Variants in RNF128 observed in about 807,000 individuals in gnomAD.
RNF128 encodes E3 ubiquitin-protein ligase RNF128.
RNF128 carries 13 observed loss-of-function variants against 26.2 expected under a neutral mutation model. That is an observed-to-expected ratio of 0.50 (90% CI 0.32 to 0.79). The LOEUF is 0.79. Among genes scored for constraint, RNF128 ranks in the 30% least tolerant of loss-of-function variants. The pLI, the probability that RNF128 is intolerant of heterozygous loss-of-function variation, is 0.03. For synonymous variants in RNF128, 149 were observed against 142.5 expected, an observed-to-expected ratio of 1.05 and a Z score of -0.32; for missense variants, 315 against 349.7, an observed-to-expected ratio of 0.90 and a Z score of 0.79.
upstream of RNF128, among the ~76,000 whole-genome samples, chrX:106,725,275 A>G (rs1929375361): frequency 9.0e-6 from 1 of 111,525 alleles, no homozygotes; most frequent in African/African-American, 3.3e-5. Context: ...TTCAATACCT[A>G]AGAGTATATG....
chrX:106,788,336 ATATATAATATATAT>A (rs1930697902), intron 4 of RNF128, among the ~76,000 whole-genome samples: 1 of 53,628 alleles, frequency 1.9e-5, no homozygotes, highest in Non-Finnish European at 3.1e-5. Context: ...TATATATACT[ATATATAATATATAT>A]TATATACTAT....
intron 1 of RNF128, among the ~76,000 whole-genome samples, chrX:106,720,570 G>A (rs1004236435): frequency 1.8e-5 from 2 of 110,084 alleles, no homozygotes; most frequent in African/African-American, 6.6e-5. Context: ...TGGTGAGGGG[G>A]TTCTTAGCAT....
intron 1 of RNF128, among the ~76,000 whole-genome samples, chrX:106,744,340 T>C (rs994644838): frequency 7.1e-5 from 8 of 112,160 alleles, no homozygotes; most frequent in African/African-American, 2.6e-4. Flanking sequence ...AGCCATCTTT[T>C]ATTACATCTG....
At chrX:106,789,851 T>G (rs1930789155) in intron 4 of RNF128, among the ~76,000 whole-genome samples, 1 of 110,094 alleles carries the variant, frequency 9.1e-6, no homozygotes, top group South Asian at 3.7e-4. Context: ...TTATTGAGAA[T>G]GACTGTACCA....
chrX:106,718,023 A>G (rs1929247843), intron 1 of RNF128, among the ~76,000 whole-genome samples: 1 of 111,805 alleles, frequency 8.9e-6, no homozygotes, highest in African/African-American at 3.3e-5. Flanking sequence ...AATGCCATAC[A>G]TGGGGCATAT....
chrX:106,741,206 A>AT (rs1165496520), intron 1 of RNF128, among the ~76,000 whole-genome samples: 2 of 111,503 alleles, frequency 1.8e-5, no homozygotes. Flanking sequence ...AGCATATCTT[A>AT]TTTTTTTCCT....
intron 1 of RNF128, among the ~76,000 whole-genome samples, chrX:106,766,256 G>T (rs919687358): frequency 1.8e-5 from 2 of 111,762 alleles, no homozygotes; most frequent in African/African-American, 6.5e-5. Context: ...AGATCAAATG[G>T]TATTTCTAGT....
chrX:106,738,985 C>A (rs763167914), intron 1 of RNF128, among the ~76,000 whole-genome samples: 1 of 111,668 alleles, frequency 9.0e-6, no homozygotes, highest in East Asian at 2.8e-4. Context: ...TGACTTTGTT[C>A]AATGCATTAT....
At chrX:106,762,927 G>A (rs1324155592) in intron 1 of RNF128, among the ~76,000 whole-genome samples, 1 of 108,686 alleles carries the variant, frequency 9.2e-6, no homozygotes, top group Non-Finnish European at 1.9e-5. Context: ...TTATTACATG[G>A]ATGATGAAAT....
At chrX:106,727,842 C>G (rs1273444075) in intron 1 of RNF128, among the ~76,000 whole-genome samples, 1 of 110,841 alleles carries the variant, frequency 9.0e-6, no homozygotes, top group African/African-American at 3.3e-5. Context: ...CTCCATGTTT[C>G]CTGGGTATCA....
In RNF128 at chrX:106,695,509, T is replaced by G. The variant is rs1301380787; in HGVS notation, c.406+1101T>G. Among the ~76,000 whole-genome samples, 3 of 111,831 alleles carry G rather than the reference T, an allele frequency of 2.7e-5. No homozygotes were observed. In the East Asian group the frequency reaches 8.3e-4, roughly 31 times the overall value. On this transcript the variant is annotated intron_variant, in intron 1 of 6. Transcript: ENST00000324342. ...CTAAGCATCAAAAAAACAAGTAAGA[T>G]GAACTTCAGCAGTACAAAATTATTG...
chrX:106,780,999 C>T (rs1378972278), intron 2 of RNF128, among the ~76,000 whole-genome samples: 1 of 112,541 alleles, frequency 8.9e-6, no homozygotes, highest in African/African-American at 3.2e-5. Context: ...GTAAACCTTT[C>T]TTTCCCCAAA....
intron 1 of RNF128, 145 bp downstream of exon 1, chrX:106,727,542 TC>T: frequency 1.3e-6 from 1 of 749,270 alleles, no homozygotes. Flanking sequence ...GGCAGGGTCC[TC>T]CCCGAGATTC....
chrX:106,753,980 T>C (rs1929947785), intron 1 of RNF128, among the ~76,000 whole-genome samples: 1 of 111,682 alleles, frequency 9.0e-6, no homozygotes, highest in South Asian at 3.7e-4. Context: ...AGGTGGGATA[T>C]AGACCCTGAT....
chrX:106,707,771 C>A (rs2147660048), intron 1 of RNF128, among the ~76,000 whole-genome samples: 1 of 109,525 alleles, frequency 9.1e-6, no homozygotes, highest in African/African-American at 3.3e-5. Context: ...GCTGTAGGGT[C>A]TTTGAGTCCT....
At chrX:106,696,797 G>A (rs1485597406) in intron 1 of RNF128, among the ~76,000 whole-genome samples, 2 of 111,539 alleles carry the variant, frequency 1.8e-5, no homozygotes, top group African/African-American at 3.3e-5. Context: ...GCCAAAGACC[G>A]CTAGCAACAG....
At chrX:106,755,135 C>A (rs184905584) in intron 1 of RNF128, among the ~76,000 whole-genome samples, 1 of 111,737 alleles carries the variant, frequency 8.9e-6, no homozygotes, top group South Asian at 3.8e-4. Context: ...AGCAGCTATA[C>A]GCCAATAAAT....
Position 106,699,800 on chromosome X carries a change from C to A in RNF128, c.406+5392C>A, listed in dbSNP as rs185711419. On this transcript the variant is annotated intron_variant, in intron 1 of 6. Coordinates refer to the RNF128 transcript ENST00000324342. ...TGATCTTCGGACATTTTCTCCAACA[C>A]GTGAAGCTTTTCCTGCGTGGGACAC... Among the ~76,000 whole-genome samples, 3 of 111,367 alleles carry A rather than the reference C, an allele frequency of 2.7e-5. No homozygotes were observed. The East Asian group carries it at 8.6e-4, about 32-fold the overall frequency.
intron 1 of RNF128, among the ~76,000 whole-genome samples, chrX:106,745,135 G>A (rs774895139): frequency 9.0e-6 from 1 of 111,584 alleles, no homozygotes; most frequent in Admixed American, 9.6e-5. Flanking sequence ...CCATCTACCA[G>A]AGAATTTTTG....
Sources: allele counts gnomAD v4.1 joint callset (sites outside exome capture counted in the v4.1 genomes callset), GRCh38; gene constraint gnomAD v4.1.1; transcripts MANE v1.5; gene names NCBI Gene and HGNC (gene_info 2026-07-23, HGNC 2026-07-21).